Variants in TYW1 observed in about 807,000 individuals in gnomAD.
TYW1 encodes tRNA-yW synthesizing protein 1 homolog.
In TYW1, 46 loss-of-function variants were observed where a neutral mutation model predicts 96.2. The ratio of observed to expected loss-of-function variants is 0.48; its 90% CI spans 0.38 to 0.61. TYW1 has a LOEUF of 0.61. Ranked by LOEUF, TYW1 falls within the 20% of genes least tolerant of loss-of-function variation. The pLI, the probability that TYW1 is intolerant of heterozygous loss-of-function variation, is 0.00. For synonymous variants in TYW1, 274 were observed against 323.0 expected (o/e 0.85, Z 1.63); for missense variants, 684 against 909.6 (o/e 0.75, Z 3.19).
chr7:67,177,314 G>T (rs78791966), intron 13 of TYW1, among the ~76,000 whole-genome samples: 41,482 of 150,054 alleles, frequency 0.28, 6,267 homozygotes, highest in African/African-American at 0.4. Flanking sequence ...GGAATGATCC[G>T]TTAAAGAGAC....
chr7:67,094,235 A>ACTTG (rs1173009172), intron 11 of TYW1, among the ~76,000 whole-genome samples: 1 of 152,132 alleles, frequency 6.6e-6, no homozygotes, highest in Non-Finnish European at 1.5e-5. Context: ...TTCTTTATCC[A>ACTTG]GTCAACCGTT....
chr7:67,117,799 A>G (rs1563022911), intron 13 of TYW1, among the ~76,000 whole-genome samples, 181 bp downstream of exon 13: 1 of 152,218 alleles, frequency 6.6e-6, no homozygotes, highest in African/African-American at 2.4e-5. Context: ...AATTTTGAAC[A>G]TTTACTATTT....
chr7:67,012,181 G>A (rs767291986), intron 4 of TYW1, among the ~76,000 whole-genome samples: 5 of 151,884 alleles, frequency 3.3e-5, no homozygotes, highest in Non-Finnish European at 7.4e-5. Flanking sequence ...GTGAAACCCC[G>A]TCTCTATTAA....
rs544768923 is a variant in TYW1, at chr7:67,238,907, G to A, written c.*378G>A. The A allele has an allele frequency of 3.2e-5, 34 of 1,048,006 alleles. No homozygotes were observed. Among genetic ancestry groups the A allele is most frequent in the East Asian group, 7.5e-5 (1 of 13,354 alleles). 64.9% of individuals were successfully genotyped at this position (1,048,006 alleles called of 1,614,324 possible). A position where few individuals can be genotyped will look rare whatever the true frequency, so the allele number is the denominator to read the frequency against. On this transcript the variant is annotated 3_prime_UTR_variant, in exon 16 of 16. Transcript: ENST00000359626. ...GTCCCTGGGCCTCTTCCCCTTACCCGGCCCTTAGATTTCATGGAGCAGCCA... is the reference window on the plus strand; with the variant it reads ...GTCCCTGGGCCTCTTCCCCTTACCCAGCCCTTAGATTTCATGGAGCAGCCA...
At chr7:67,203,267 A>G (rs1400973074) in intron 15 of TYW1, among the ~76,000 whole-genome samples, 1 of 152,184 alleles carries the variant, frequency 6.6e-6, no homozygotes, top group Non-Finnish European at 1.5e-5. Context: ...TCTTTTGATC[A>G]GTGTTTGCAT....
In TYW1 at chr7:67,191,775, C is replaced by T. The variant is rs1800226376; in HGVS notation, c.1810-3395C>T. Among the ~76,000 whole-genome samples, 4 of 151,812 alleles carry T rather than the reference C, an allele frequency of 2.6e-5. No individual in the cohort carries two copies. The South Asian group carries it at 8.4e-4, about 32-fold the overall frequency. On this transcript the variant is annotated intron_variant, in intron 14 of 15. Coordinates refer to ENST00000359626, the MANE Select transcript of TYW1 (RefSeq NM_018264.4). ...TGAGGTGACCCCCAGTCTAAGTCAC[C>T]AAGAACATTTTCTGCCCAGAGCATT...
chr7:67,130,106 C>T (rs536011492), intron 13 of TYW1, among the ~76,000 whole-genome samples: 10 of 151,670 alleles, frequency 6.6e-5, no homozygotes, highest in Non-Finnish European at 1.3e-4. Context: ...ATAGGCCGTG[C>T]GTGGTGGCTC....
In TYW1 at chr7:67,234,096, T is replaced by C. The variant is rs1326431336; in HGVS notation, c.1978-4212T>C. On this transcript the variant is annotated intron_variant, in intron 15 of 15. Coordinates refer to ENST00000359626, the MANE Select transcript of TYW1 (RefSeq NM_018264.4). ...GTGCGGTGGCTCATGCCTATGATCC[T>C]AGCATTTTGGGAGATCAAGGTGGGA... Among the ~76,000 whole-genome samples the C allele has an allele frequency of 3.7e-5, 5 of 135,246 alleles. 1 individual carries two copies. Among genetic ancestry groups the C allele is most frequent in the African/African-American group, 1.2e-4 (4 of 33,776 alleles). 88.7% of individuals were successfully genotyped at this position (135,246 alleles called of 152,430 possible).
intron 10 of TYW1, 75 bp from the exon 11 acceptor site, chr7:67,083,355 G>A: frequency 6.9e-7 from 1 of 1,444,550 alleles, no homozygotes; most frequent in South Asian, 1.2e-5. Context: ...TTTAAAAATG[G>A]ATGACTTCAT....
intron 13 of TYW1, among the ~76,000 whole-genome samples, chr7:67,164,787 T>G (rs1336702501): frequency 1.3e-5 from 2 of 152,132 alleles, no homozygotes; most frequent in East Asian, 3.8e-4. Flanking sequence ...ACCATTGTTC[T>G]GAAATAACAT....
chr7:67,058,602 G>A (rs920648486), intron 9 of TYW1, among the ~76,000 whole-genome samples: 1 of 151,944 alleles, frequency 6.6e-6, no homozygotes, highest in African/African-American at 2.4e-5. Context: ...TCCCTCCTCA[G>A]CCTCCCAAGT....
chr7:67,059,828 A>G (rs1434974124), intron 9 of TYW1, among the ~76,000 whole-genome samples: 1 of 151,872 alleles, frequency 6.6e-6, no homozygotes, highest in Non-Finnish European at 1.5e-5. Context: ...GCTGGAGTGC[A>G]GTGGTGTGAT....
chr7:67,038,766 T>TGA (rs946425709), intron 7 of TYW1, among the ~76,000 whole-genome samples: 1 of 152,054 alleles, frequency 6.6e-6, no homozygotes, highest in Non-Finnish European at 1.5e-5. Flanking sequence ...TAGCCGGGTA[T>TGA]GGTGGCGCAT....
chr7:67,042,155 TATA>T (rs1412253384), intron 7 of TYW1, among the ~76,000 whole-genome samples: 2 of 147,876 alleles, frequency 1.4e-5, no homozygotes, highest in Non-Finnish European at 3.0e-5. Context: ...ATATTATTAG[TATA>T]ATATATAATT....
At chr7:67,033,119 A>G (rs1159510352) in intron 7 of TYW1, among the ~76,000 whole-genome samples, 2 of 149,428 alleles carry the variant, frequency 1.3e-5, no homozygotes, top group Non-Finnish European at 3.0e-5. Context: ...CTGGTCTTGA[A>G]CTCCTTACCT....
At chr7:67,024,104 G>A (rs181659448) in intron 6 of TYW1, among the ~76,000 whole-genome samples, 1 of 152,180 alleles carries the variant, frequency 6.6e-6, no homozygotes, top group Admixed American at 6.5e-5. Flanking sequence ...ACGTGAGAGG[G>A]CAGGTGAAGT....
At chr7:67,078,358 G>C (rs555842446) in intron 10 of TYW1, among the ~76,000 whole-genome samples, 1 of 152,082 alleles carries the variant, frequency 6.6e-6, no homozygotes, top group South Asian at 2.1e-4. Flanking sequence ...GCCTCCCAAA[G>C]TGCTGGGATT....
intron 12 of TYW1, among the ~76,000 whole-genome samples, chr7:67,111,993 G>A (rs568628518): frequency 2.6e-5 from 4 of 151,680 alleles, no homozygotes; most frequent in African/African-American, 7.3e-5. Context: ...CAGCTACTCC[G>A]GAGGCTGAGG....
chr7:67,080,624 T>A (rs527447713), intron 10 of TYW1, among the ~76,000 whole-genome samples: 1 of 152,250 alleles, frequency 6.6e-6, no homozygotes, highest in African/African-American at 2.4e-5. Context: ...GGTCTCGAAC[T>A]CCTGACCTCG....
Sources: gnomAD v4.1 joint callset for allele counts (sites outside exome capture counted in the v4.1 genomes callset) on GRCh38, gnomAD v4.1.1 for gene constraint, MANE v1.5 for transcripts, NCBI Gene and HGNC (gene_info 2026-07-23, HGNC 2026-07-21) for gene names.